Variants in ACTN2 observed in about 807,000 individuals in gnomAD.
ACTN2 encodes the protein actinin alpha 2, also known as alpha-actinin-2.
A neutral mutation model predicts 113.8 loss-of-function variants in ACTN2; 39 were observed. That is an observed-to-expected ratio of 0.34 (90% CI 0.27 to 0.45). The LOEUF is 0.45. Ranked by LOEUF, ACTN2 falls within the 20% of genes least tolerant of loss-of-function variation. The pLI, the probability that ACTN2 is intolerant of heterozygous loss-of-function variation, is 1.00. For synonymous variants in ACTN2, 429 were observed against 444.1 expected (o/e 0.97, Z 0.43); for missense variants, 992 against 1,177.9 (o/e 0.84, Z 2.31).
chr1:236,751,410 A>G, intron 14 of ACTN2, 60 bp from the exon 15 acceptor site: 1 of 1,594,364 alleles, frequency 6.3e-7, no homozygotes, highest in Non-Finnish European at 8.6e-7. Context: ...AGGAATATCA[A>G]AGCCTTTGAA....
intron 1 of ACTN2, among the ~76,000 whole-genome samples, chr1:236,687,081 G>C (rs1665900009): frequency 6.6e-6 from 1 of 152,036 alleles, no homozygotes; most frequent in Admixed American, 6.5e-5. Context: ...GATCTGAAGG[G>C]GTCTCTGGTC....
At chr1:236,727,821 G>A in intron 6 of ACTN2, 65 bp downstream of exon 6, 2 of 1,487,212 alleles carry the variant, frequency 1.3e-6, no homozygotes, top group Non-Finnish European at 1.9e-6. Flanking sequence ...CTGCAAATGA[G>A]CACATCAGCA....
intron 1 of ACTN2, among the ~76,000 whole-genome samples, chr1:236,695,798 C>T (rs1167303066): frequency 6.6e-6 from 1 of 152,098 alleles, no homozygotes; most frequent in Non-Finnish European, 1.5e-5. Context: ...ACATGCCAAG[C>T]CCTAGACCAA....
intron 15 of ACTN2, among the ~76,000 whole-genome samples, chr1:236,752,508 T>G (rs6668769): frequency 6.4e-4 from 81 of 127,346 alleles, no homozygotes; most frequent in South Asian, 1.2e-3. Flanking sequence ...CTTGCGGGGG[T>G]GGGGGCGGGG....
intron 1 of ACTN2, among the ~76,000 whole-genome samples, chr1:236,694,553 T>A (rs1657414761): frequency 6.6e-6 from 1 of 152,166 alleles, no homozygotes; most frequent in African/African-American, 2.4e-5. Context: ...GAAGAAATTA[T>A]GAATCATTTC....
At position 236,737,298 on chromosome 1, in the gene ACTN2, C is replaced by CAT. The variant is rs67318171; in HGVS notation, c.876+103_876+104dup. The CAT allele has an allele frequency of 0.024, 8,297 of 342,390 alleles. 667 individuals carry two copies. Among genetic ancestry groups the CAT allele is most frequent in the African/African-American group, 0.11 (4,434 of 39,510 alleles). 21.2% of individuals were successfully genotyped at this position (342,390 alleles called of 1,614,324 possible). On this transcript the variant is annotated intron_variant, in intron 9 of 20. Transcript: ENST00000366578. ...AGGGTGAAAAAATACTCCGTGGGGGCATATATATATATATATATATTTTGC... is the reference window on the plus strand; with the variant it reads ...AGGGTGAAAAAATACTCCGTGGGGGCATATATATATATATATATATATTTTGC...
chr1:236,747,783 A>G lies in ACTN2; in HGVS notation c.1515+8A>G, dbSNP rs1558245492. 3.8e-6 allele frequency: 6 copies of G among 1,594,402 alleles called. No homozygotes were observed. The highest frequency in any genetic ancestry group is 5.2e-6 in the Non-Finnish European group (6 of 1,162,398). On this transcript the variant is annotated splice_region_variant and intron_variant, in intron 13 of 20. Transcript: ENST00000366578. ...AGGAGAGAAGCCCTAGAGGTGAAGTATTGAAGCCACTTGTTGACATGAAAT... is the reference window on the plus strand; with the variant it reads ...AGGAGAGAAGCCCTAGAGGTGAAGTGTTGAAGCCACTTGTTGACATGAAAT...
Position 236,755,123 on chromosome 1 carries a change from C to G in ACTN2, c.2079C>G (p.Asp693Glu). Reference sequence around the variant, plus strand: ...TCATCAACTATAAGAACAACATCGACAAGCTGGAGGGAGACCATCAGCTCA... The same window carrying G: ...TCATCAACTATAAGAACAACATCGAGAAGCTGGAGGGAGACCATCAGCTCA... ...HNIINYKNNI[D>E]KLEGDHQLIQ... Residue 693 changes from aspartate to glutamate, a missense_variant, in exon 17 of 21, where the codon GAC becomes GAG. Asp to Glu is a conservative substitution (Grantham distance 45, BLOSUM62 2). Coordinates refer to ENST00000366578, the MANE Select transcript of ACTN2 (RefSeq NM_001103.4). 1 of 1,614,200 alleles carries G rather than the reference C, an allele frequency of 6.2e-7. No individual in the cohort carries two copies. Among genetic ancestry groups the G allele is most frequent in the South Asian group, 1.1e-5 (1 of 91,082 alleles).
At chr1:236,749,361 A>T in intron 14 of ACTN2, 97 bp downstream of exon 14, 1 of 1,401,612 alleles carries the variant, frequency 7.1e-7, no homozygotes, top group South Asian at 1.2e-5. Context: ...TTCTTGCTTT[A>T]AAAAAAAATT....
chr1:236,750,390 C>G (rs138671175), intron 14 of ACTN2, among the ~76,000 whole-genome samples: 1 of 152,042 alleles, frequency 6.6e-6, no homozygotes, highest in Non-Finnish European at 1.5e-5. Flanking sequence ...AAAGAGGCTC[C>G]GATGGTGTTT....
intron 1 of ACTN2, among the ~76,000 whole-genome samples, chr1:236,715,602 T>G (rs539907601): frequency 1.3e-5 from 2 of 152,142 alleles, no homozygotes; most frequent in Non-Finnish European, 2.9e-5. Context: ...TTAATTAGTC[T>G]AAGTTTAAGT....
At chr1:236,732,400 T>A (rs1462578797) in intron 7 of ACTN2, among the ~76,000 whole-genome samples, 1 of 152,042 alleles carries the variant, frequency 6.6e-6, no homozygotes, top group Non-Finnish European at 1.5e-5. Context: ...CCTTTTCCCC[T>A]CTGTGAATAT....
At position 236,693,410 on chromosome 1, in the gene ACTN2, A is replaced by G. The variant is rs113842698; in HGVS notation, c.126+6611A>G. 1.5e-3 allele frequency among the ~76,000 whole-genome samples: 227 copies of G among 152,310 alleles called. 1 individual carries two copies. Among genetic ancestry groups the G allele is most frequent in the Middle Eastern group, 0.014 (4 of 294 alleles). ...GAGCTTACAGCCAAGTTCAAGAGAC[A>G]GGAGTGGTCTGTGAGAAGCACAGAG... On this transcript the variant is annotated intron_variant, in intron 1 of 20. Coordinates refer to ENST00000366578, the MANE Select transcript of ACTN2 (RefSeq NM_001103.4).
chr1:236,743,189 C>A, intron 11 of ACTN2, 146 bp downstream of exon 11: 1 of 1,016,374 alleles, frequency 9.8e-7, no homozygotes, highest in Non-Finnish European at 1.5e-6. Context: ...TGTCTCAGTG[C>A]CAAATTTATT....
intron 1 of ACTN2, among the ~76,000 whole-genome samples, chr1:236,696,657 T>C (rs1657509732): frequency 6.8e-6 from 1 of 147,516 alleles, no homozygotes; most frequent in South Asian, 2.1e-4. Flanking sequence ...TTACTGCTGT[T>C]GTCCCACTAT....
At position 236,747,792 on chromosome 1, in the gene ACTN2, A is replaced by C. The variant is rs774622952; in HGVS notation, c.1515+17A>C. The C allele has an allele frequency of 5.8e-6, 9 of 1,561,470 alleles. No homozygotes were observed. The highest frequency in any genetic ancestry group is 7.9e-6 in the Non-Finnish European group (9 of 1,133,264). On this transcript the variant is annotated intron_variant, in intron 13 of 20. Coordinates refer to ENST00000366578, the MANE Select transcript of ACTN2 (RefSeq NM_001103.4). ...GCCCTAGAGGTGAAGTATTGAAGCC[A>C]CTTGTTGACATGAAATCTTTTAATA...
At position 236,739,330 on chromosome 1, in the gene ACTN2, C is replaced by T. The variant is rs1486360274; in HGVS notation, c.905C>T (p.Pro302Leu). 2 of 1,613,996 alleles carry T rather than the reference C, an allele frequency of 1.2e-6. No homozygotes were observed. The highest frequency in any genetic ancestry group is 1.7e-6 in the Non-Finnish European group (2 of 1,179,992). ...ELLEWIRRTI[P>L]WLENRTPEKT... ...TTGGAATGGATTCGTCGCACGATCC[C>T]CTGGCTGGAGAACCGGACTCCCGAG... is the stretch of plus-strand genomic sequence containing the variant. Residue 302 changes from proline to leucine, a missense_variant, in exon 10 of 21, where the codon CCC (proline) becomes CTC (leucine). By Grantham distance (98) the Pro-to-Leu change is moderately conservative. This residue lies in a region of ACTN2 where 736 missense variants were observed against 815.4 expected (regional missense o/e 0.90). Coordinates refer to ENST00000366578, the MANE Select transcript of ACTN2 (RefSeq NM_001103.4).
intron 9 of ACTN2, 83 bp downstream of exon 9, chr1:236,737,297 G>GTATTTATATATATATATATA: frequency 1.2e-4 from 40 of 322,218 alleles, no homozygotes; most frequent in South Asian, 2.3e-4. Flanking sequence ...CTCCGTGGGG[G>GTATTTATATATATATATATA]CATATATATA....
chr1:236,700,242 G>C (rs1251876129), intron 1 of ACTN2, among the ~76,000 whole-genome samples: 8 of 152,070 alleles, frequency 5.3e-5, no homozygotes, highest in African/African-American at 1.9e-4. Context: ...GAGTGCAGTG[G>C]CACCATCTCG....
Sources: gnomAD v4.1 joint callset for allele counts (sites outside exome capture counted in the v4.1 genomes callset) on GRCh38, gnomAD v4.1.1 for gene constraint, gnomAD v4.1.1 regional missense constraint, MANE v1.5 for transcripts, NCBI Gene and HGNC (gene_info 2026-07-23, HGNC 2026-07-21) for gene names.